KSR2: variants seen among roughly 807,000 people sequenced by gnomAD.
KSR2 encodes kinase suppressor of ras 2.
Under a neutral mutation model 107.8 loss-of-function variants are expected in KSR2, and 25 were observed. The ratio of observed to expected loss-of-function variants is 0.23; its 90% CI spans 0.17 to 0.32. The LOEUF (loss-of-function observed/expected upper bound fraction) is 0.32, where lower values mean the gene tolerates loss of function less well. Among genes scored for constraint, KSR2 ranks in the 10% least tolerant of loss-of-function variants. The pLI is 1.00. For synonymous variants in KSR2, 480 were observed against 507.0 expected, an observed-to-expected ratio of 0.95 and a Z score of 0.71; for missense variants, 887 against 1,268.9, an observed-to-expected ratio of 0.70 and a Z score of 4.57.
At chr12:117,783,710 G>T (rs1358153965) in intron 3 of KSR2, among the ~76,000 whole-genome samples, 1 of 152,210 alleles carries the variant, frequency 6.6e-6, no homozygotes, top group Non-Finnish European at 1.5e-5. Context: ...TTGGCCAAAA[G>T]TTGGCAGGAT....
intron 5 of KSR2, among the ~76,000 whole-genome samples, chr12:117,604,401 G>A (rs757377287): frequency 4.6e-5 from 7 of 152,182 alleles, no homozygotes; most frequent in Admixed American, 1.3e-4. Context: ...TTTTCAATTC[G>A]TTTGGGTACA....
intron 1 of KSR2, among the ~76,000 whole-genome samples, chr12:117,938,421 A>G (rs1593386074): frequency 6.6e-6 from 1 of 152,096 alleles, no homozygotes; most frequent in East Asian, 1.9e-4. Flanking sequence ...TGAGAGACAG[A>G]GGTGGGAGGA....
At chr12:117,857,722 C>T (rs1347890945) in intron 2 of KSR2, among the ~76,000 whole-genome samples, 1 of 152,198 alleles carries the variant, frequency 6.6e-6, no homozygotes, top group East Asian at 1.9e-4. Context: ...TCACCACTTA[C>T]AGACTAGGAC....
intron 15 of KSR2, 73 bp downstream of exon 15, chr12:117,485,522 G>T: frequency 1.8e-6 from 2 of 1,129,256 alleles, no homozygotes; most frequent in Non-Finnish European, 1.3e-6. Flanking sequence ...AGGAGCCCTG[G>T]GGTAGGGGGG....
At chr12:117,818,813 C>A (rs1022571067) in intron 3 of KSR2, among the ~76,000 whole-genome samples, 1 of 152,070 alleles carries the variant, frequency 6.6e-6, no homozygotes, top group Non-Finnish European at 1.5e-5. Flanking sequence ...AAAGAGCAGG[C>A]AGGAGATGAA....
chr12:117,916,857 T>C (rs1290557661), intron 1 of KSR2, among the ~76,000 whole-genome samples: 1 of 152,252 alleles, frequency 6.6e-6, no homozygotes, highest in Admixed American at 6.5e-5. Context: ...TCTACTAGAA[T>C]GAACTGGTTT....
At chr12:117,824,318 G>GA (rs1737870308) in intron 3 of KSR2, among the ~76,000 whole-genome samples, 4 of 152,018 alleles carry the variant, frequency 2.6e-5, no homozygotes, top group Admixed American at 1.3e-4. Context: ...CGATTTGATA[G>GA]AAAAAAATAA....
chr12:117,920,256 G>A (rs1325483694), intron 1 of KSR2, among the ~76,000 whole-genome samples: 2 of 151,998 alleles, frequency 1.3e-5, no homozygotes, highest in Non-Finnish European at 2.9e-5. Context: ...GAGCCACTAT[G>A]CCCAGCTAAT....
At chr12:117,535,988 G>C (rs1876026299) in intron 10 of KSR2, among the ~76,000 whole-genome samples, 1 of 152,088 alleles carries the variant, frequency 6.6e-6, no homozygotes, top group Non-Finnish European at 1.5e-5. Context: ...CCAGGACTCA[G>C]GGAAAGGCTG....
intron 5 of KSR2, among the ~76,000 whole-genome samples, chr12:117,656,957 TAATAGGATATATATATATAATAGG>T (rs1884187653): frequency 7.5e-5 from 7 of 92,854 alleles, no homozygotes; most frequent in South Asian, 4.5e-4. Context: ...TATATATATA[TAATAGGATATATATATATAATAGG>T]ATATATATAT....
rs1241822502 is a variant in KSR2, at chr12:117,947,249, GAAAGAAAGAAGATAA to G, written c.180+20812_180+20826del. ...AGAAAGAAAGAAAGAAAGAAAGAAA[GAAAGAAAGAAGATAA>G]ACCACATGACCATACTAATTGATAC... On this transcript the variant is annotated intron_variant, in intron 1 of 19. Coordinates refer to ENST00000339824, the MANE Select transcript of KSR2 (RefSeq NM_173598.6). Among the ~76,000 whole-genome samples, 303 of 124,116 alleles carry G rather than the reference GAAAGAAAGAAGATAA, an allele frequency of 2.4e-3. 3 individuals are homozygous for G. Among genetic ancestry groups the G allele is most frequent in the Middle Eastern group, 4.3e-3 (1 of 234 alleles). The allele number at this position is 124,116 out of a possible 152,430, so 81.4% of individuals were successfully genotyped here.
intron 1 of KSR2, among the ~76,000 whole-genome samples, chr12:117,870,427 C>A (rs989431972): frequency 6.6e-6 from 1 of 152,002 alleles, no homozygotes; most frequent in African/African-American, 2.4e-5. Context: ...ATAGTGAAAC[C>A]CCATCTCTAT....
intron 3 of KSR2, among the ~76,000 whole-genome samples, chr12:117,803,097 C>T (rs1422401799): frequency 6.6e-6 from 1 of 152,134 alleles, no homozygotes; most frequent in Non-Finnish European, 1.5e-5. Context: ...AAAATAATGC[C>T]TTTCTCTCTC....
chr12:117,884,160 G>A (rs760450155), intron 1 of KSR2, among the ~76,000 whole-genome samples: 1 of 152,108 alleles, frequency 6.6e-6, no homozygotes, highest in Non-Finnish European at 1.5e-5. Flanking sequence ...CCTCCATGTC[G>A]TCAGGACCTC....
intron 4 of KSR2, among the ~76,000 whole-genome samples, chr12:117,716,378 G>C (rs756152039): frequency 6.6e-6 from 1 of 152,176 alleles, no homozygotes; most frequent in Admixed American, 6.5e-5. Flanking sequence ...CTGGCCACAT[G>C]TGGCTAGAGG....
intron 3 of KSR2, among the ~76,000 whole-genome samples, chr12:117,851,909 G>C (rs1026545253): frequency 6.6e-6 from 1 of 151,126 alleles, no homozygotes; most frequent in Non-Finnish European, 1.5e-5. Context: ...AAAAGAAAGT[G>C]GCTATTACTA....
At chr12:117,599,993 G>A (rs1458397783) in intron 5 of KSR2, among the ~76,000 whole-genome samples, 3 of 152,154 alleles carry the variant, frequency 2.0e-5, no homozygotes, top group Admixed American at 6.5e-5. Flanking sequence ...CTCCCAGGTC[G>A]GTCAAGCTGC....
chr12:117,629,147 A>C (rs567922204), intron 5 of KSR2, among the ~76,000 whole-genome samples: 1 of 152,128 alleles, frequency 6.6e-6, no homozygotes, highest in Non-Finnish European at 1.5e-5. Context: ...CCCCAACCCC[A>C]TGCGCTTCCC....
At chr12:117,686,893 G>C (rs1885594784) in intron 4 of KSR2, among the ~76,000 whole-genome samples, 1 of 152,168 alleles carries the variant, frequency 6.6e-6, no homozygotes, top group African/African-American at 2.4e-5. Flanking sequence ...CCACGCATCA[G>C]AGCCCGAGAG....
Sources: allele counts gnomAD v4.1 joint callset (sites outside exome capture counted in the v4.1 genomes callset), GRCh38; gene constraint gnomAD v4.1.1; transcripts MANE v1.5; gene names NCBI Gene and HGNC (gene_info 2026-07-23, HGNC 2026-07-21).